The following COL18A1 variants were observed in gnomAD, a reference collection of about 807,000 sequenced individuals.
COL18A1 encodes the protein collagen type XVIII alpha 1 chain.
COL18A1 carries 133 observed loss-of-function variants against 168.0 expected under a neutral mutation model. The observed-to-expected ratio is 0.79, with a 90% confidence interval of 0.69 to 0.91. The LOEUF is 0.91. Ranked by LOEUF, COL18A1 falls within the 40% of genes least tolerant of loss-of-function variation. COL18A1 has a pLI of 0.00. For synonymous variants in COL18A1, 949 were observed against 809.0 expected (o/e 1.17, Z -2.94); for missense variants, 2,126 against 1,925.4 (o/e 1.10, Z -1.95).
Position 45,477,438 on chromosome 21 carries a change from T to C in COL18A1, c.956T>C (p.Val319Ala). The change falls in exon 7 of 42, where the codon GTC becomes GCC. Residue 319 changes from valine to alanine, a missense_variant. Physicochemically the swap from Val to Ala is moderately conservative, Grantham distance 64. Coordinates refer to ENST00000651438, the MANE Select transcript of COL18A1 (RefSeq NM_001379500.1). ...CAGACACTTCCTGGCTCAGATTCTG[T>C]CTCCACGTGGGACGGGAGTGTCCGG... The part of the protein sequence containing the change: ...GAQTLPGSDS[V>A]STWDGSVRTP... 6.2e-7 allele frequency: 1 copy of C among 1,613,206 alleles called. No individual in the cohort carries two copies. The highest frequency in any genetic ancestry group is 1.3e-5 in the African/African-American group (1 of 75,012).
chr21:45,505,874 CAGGTGCACG>C lies in COL18A1; in HGVS notation c.3129_3137del (p.His1044_Val1046del). The C allele has an allele frequency of 6.2e-7, 1 of 1,612,356 alleles. No homozygotes were observed. The highest frequency in any genetic ancestry group is 1.1e-5 in the South Asian group (1 of 91,082). ...GGCTACACGCCAGGCCATGCTGGGC[CAGGTGCACG>C]AGGTTCCCGAGGGCTGGCTCATCTT... On this transcript the variant is annotated inframe_deletion, in exon 37 of 42. Transcript: ENST00000651438.
intron 13 of COL18A1, 34 bp from the exon 14 acceptor site, chr21:45,481,929 C>T (rs760597194): frequency 1.3e-6 from 2 of 1,508,284 alleles, no homozygotes; most frequent in South Asian, 1.1e-5. Context: ...TGGCCGAATG[C>T]CATCAAGACC....
intron 15 of COL18A1, among the ~76,000 whole-genome samples, chr21:45,484,553 GCT>G (rs1399664173): frequency 6.6e-6 from 1 of 152,160 alleles, no homozygotes; most frequent in African/African-American, 2.4e-5. Context: ...TGTGCACACA[GCT>G]CTCATGTATG....
chr21:45,467,481 G>C lies in COL18A1; in HGVS notation c.107-761G>C, dbSNP rs538159726. 3 of 965,556 alleles carry C rather than the reference G, an allele frequency of 3.1e-6. No homozygotes were observed. In the African/African-American group the frequency reaches 5.3e-5, roughly 17 times the overall value. 59.8% of individuals were successfully genotyped at this position (965,556 alleles called of 1,614,324 possible). ...TGTGGCCCCGAGGGGAATCAGCATG[G>C]GGGGGATGGGGAGATACAGCTTGTC... On this transcript the variant is annotated intron_variant, in intron 2 of 41. Transcript: ENST00000651438.
Position 45,510,233 on chromosome 21 carries a change from G to T in COL18A1, c.3665G>T (p.Arg1222Leu). ...TACAGCATCGTGCGCCGTGCCGACC[G>T]CGCAGCCGTGCCCATCGTCAACCTC... ...DLYSIVRRADRAAVPIVNLKD... is the reference protein window; with the variant it reads ...DLYSIVRRADLAAVPIVNLKD... The change falls in exon 40 of 42, where the codon CGC becomes CTC. Residue 1222 changes from arginine (R) to leucine (L), a missense_variant. Transcript: ENST00000651438. The T allele has an allele frequency of 6.2e-7, 1 of 1,606,156 alleles. No homozygotes were observed. Among genetic ancestry groups the T allele is most frequent in the Non-Finnish European group, 8.5e-7 (1 of 1,177,038 alleles).
rs910423368 is a variant in COL18A1, at chr21:45,488,336, C to A, written c.1897-82C>A. 1.9e-6 allele frequency: 3 copies of A among 1,581,450 alleles called. No individual in the cohort carries two copies. The Admixed American group carries it at 5.0e-5, about 26-fold the overall frequency. ...ACGTATTTTGAAGTCTTGACTGTTA[C>A]TAGCGGGCTTTTCTTGCGGCAGACG... is the stretch of plus-strand genomic sequence containing the variant. On this transcript the variant is annotated intron_variant, in intron 17 of 41. Coordinates refer to ENST00000651438, the MANE Select transcript of COL18A1 (RefSeq NM_001379500.1).
At chr21:45,475,390 C>G in intron 4 of COL18A1, 86 bp from the exon 5 acceptor site, 6 of 1,218,794 alleles carry the variant, frequency 4.9e-6, no homozygotes, top group Non-Finnish European at 7.1e-6. Flanking sequence ...GAGGCGAGAG[C>G]AGCGTCCTTT....
chr21:45,503,508 T>C (rs889465722), intron 32 of COL18A1, among the ~76,000 whole-genome samples: 7 of 151,558 alleles, frequency 4.6e-5, no homozygotes, highest in African/African-American at 1.7e-4. Context: ...AAATTGGAAA[T>C]CATCATTCTC....
In COL18A1 at chr21:45,494,527, T is replaced by C; in HGVS notation, c.2353-18T>C. 6.2e-7 allele frequency: 1 copy of C among 1,613,300 alleles called. No homozygotes were observed. The highest frequency in any genetic ancestry group is 1.1e-5 in the South Asian group (1 of 91,090). On this transcript the variant is annotated intron_variant, in intron 26 of 41. Transcript: ENST00000651438. Reference sequence around the variant, plus strand: ...CACAAGCTGCCACCTAACCCTGTCTTCTTGTTTTTTTGCTCAGGGAGAGCC... The same window carrying C: ...CACAAGCTGCCACCTAACCCTGTCTCCTTGTTTTTTTGCTCAGGGAGAGCC...
intron 37 of COL18A1, chr21:45,507,087 A>T (rs1039461888): frequency 5.8e-6 from 2 of 346,502 alleles, no homozygotes; most frequent in African/African-American, 4.4e-5. Flanking sequence ...CTGGGCAGGG[A>T]GGGCAACCTG....
At chr21:45,427,796 G>A (rs1009215931) in intron 2 of COL18A1, among the ~76,000 whole-genome samples, 1 of 152,210 alleles carries the variant, frequency 6.6e-6, no homozygotes, top group African/African-American at 2.4e-5. Context: ...CTGGGGTTGG[G>A]TCTGCAGGAC....
Position 45,479,961 on chromosome 21 carries a change from C to G in COL18A1, c.1308C>G (p.Asp436Glu). The G allele has an allele frequency of 1.2e-6, 2 of 1,613,830 alleles. No individual in the cohort carries two copies. The highest frequency in any genetic ancestry group is 1.7e-6 in the Non-Finnish European group (2 of 1,179,930). ...CAGGGGACGTAGGTCCCAAGGGCGA[C>G]AAGGTGAGTCTCCGTGGCTGGGTGG... is the stretch of plus-strand genomic sequence containing the variant. ...GTPGDVGPKG[D>E]KGDPGVGERG... Residue 436 changes from aspartate (D) to glutamate (E), a missense_variant, in exon 10 of 42, where the codon GAC becomes GAG. By Grantham distance (45) the Asp-to-Glu change is conservative. Transcript: ENST00000651438.
chr21:45,432,512 G>A (rs928346118), intron 2 of COL18A1, among the ~76,000 whole-genome samples: 2 of 152,230 alleles, frequency 1.3e-5, no homozygotes, highest in African/African-American at 4.8e-5. Flanking sequence ...TGCAGGCCCT[G>A]CTGGGAGCCA....
chr21:45,491,376 C>A, intron 22 of COL18A1, 62 bp downstream of exon 22: 1 of 813,554 alleles, frequency 1.2e-6, no homozygotes, highest in Non-Finnish European at 2.0e-6. Context: ...TGCAGAGATC[C>A]CTCCCCGAGC....
intron 2 of COL18A1, among the ~76,000 whole-genome samples, chr21:45,454,540 C>A (rs559907372): frequency 6.6e-6 from 1 of 152,330 alleles, no homozygotes; most frequent in African/African-American, 2.4e-5. Flanking sequence ...AGTGAGCACG[C>A]CTGTGTAAAC....
rs2034505917 is a variant in COL18A1, at chr21:45,446,352, T to C, written c.107-21890T>C. ...GCATTGTAAGTCTTAAAACTGGGAA[T>C]GTAAGTCCTTTGACTTTTTTCTAAT... On this transcript the variant is annotated intron_variant, in intron 2 of 41. Transcript: ENST00000651438. Among the ~76,000 whole-genome samples, 2 of 152,242 alleles carry C rather than the reference T, an allele frequency of 1.3e-5. 1 individual carries two copies. The highest frequency in any genetic ancestry group is 4.1e-4 in the South Asian group (2 of 4,836).
At chr21:45,412,562 T>C (rs1234077773) in intron 2 of COL18A1, among the ~76,000 whole-genome samples, 1 of 152,194 alleles carries the variant, frequency 6.6e-6, no homozygotes, top group African/African-American at 2.4e-5. Context: ...TTTCTTAATG[T>C]GTGGAGTTGT....
rs200424644 is a variant in COL18A1, at chr21:45,497,490, GC to G, written c.2621-102del. 2.9e-4 allele frequency: 403 copies of G among 1,404,074 alleles called. 2 individuals are homozygous for G. The East Asian group carries it at 8.6e-3, about 30-fold the overall frequency. The allele number at this position is 1,404,074 out of a possible 1,614,324, so 87.0% of individuals were successfully genotyped here. On this transcript the variant is annotated intron_variant, in intron 31 of 41. Coordinates refer to ENST00000651438, the MANE Select transcript of COL18A1 (RefSeq NM_001379500.1). ...CTGACTGTCCCCATGTCCATCTGAT[GC>G]CCCCCCATCCAGGCCCCCAGGCACT...
intron 2 of COL18A1, among the ~76,000 whole-genome samples, chr21:45,428,117 C>T (rs2033859199): frequency 6.6e-6 from 1 of 152,194 alleles, no homozygotes; most frequent in African/African-American, 2.4e-5. Flanking sequence ...GTGGGCAGCT[C>T]GAGTGTGCAT....
Sources: gnomAD v4.1 joint callset for allele counts (sites outside exome capture counted in the v4.1 genomes callset) on GRCh38, gnomAD v4.1.1 for gene constraint, MANE v1.5 for transcripts, NCBI Gene and HGNC (gene_info 2026-07-23, HGNC 2026-07-21) for gene names.